Variants in ADORA2B observed in about 807,000 individuals in gnomAD.
ADORA2B encodes the protein adenosine A2b receptor.
In ADORA2B, 18 loss-of-function variants were observed where a neutral mutation model predicts 20.8. The ratio of observed to expected loss-of-function variants is 0.87; its 90% CI spans 0.60 to 1.29. ADORA2B has a LOEUF of 1.29. Among genes scored for constraint, ADORA2B ranks in the 50% most tolerant of loss-of-function variants. The pLI is 0.00. For synonymous variants in ADORA2B, 179 were observed against 178.3 expected, an observed-to-expected ratio of 1.00 and a Z score of -0.03; for missense variants, 441 against 422.7, an observed-to-expected ratio of 1.04 and a Z score of -0.38.
At chr17:15,923,407 A>ATAT in the ADORA2B span, among the ~76,000 whole-genome samples, 3 of 120,212 alleles carry the variant, frequency 2.5e-5, no homozygotes, top group African/African-American at 3.6e-5. Context: ...ATATATATAT[A>ATAT]TTTTTTTTTT....
the ADORA2B span, among the ~76,000 whole-genome samples, chr17:15,862,686 T>A: frequency 1.3e-5 from 2 of 152,142 alleles, no homozygotes; most frequent in Non-Finnish European, 2.9e-5. Flanking sequence ...CCCCTTGCAT[T>A]GTGCAACACA....
chr17:15,929,328 G>A, the ADORA2B span, among the ~76,000 whole-genome samples: 1 of 152,226 alleles, frequency 6.6e-6, no homozygotes, highest in Non-Finnish European at 1.5e-5. Context: ...AAAGAGCCAG[G>A]AGCACTTTCT....
the ADORA2B span, among the ~76,000 whole-genome samples, chr17:15,926,834 G>T: frequency 3.3e-5 from 5 of 152,240 alleles, no homozygotes; most frequent in Middle Eastern, 3.4e-3. Context: ...AGCTCAGCGT[G>T]GTAGTGTCTA....
the ADORA2B span, among the ~76,000 whole-genome samples, chr17:15,912,673 T>A: frequency 1.3e-5 from 2 of 152,152 alleles, no homozygotes; most frequent in East Asian, 1.9e-4. Context: ...CTTCAGCTGC[T>A]CAGTGGTTCA....
chr17:15,920,807 G>A, the ADORA2B span, among the ~76,000 whole-genome samples: 5 of 152,000 alleles, frequency 3.3e-5, no homozygotes, highest in Non-Finnish European at 5.9e-5. Context: ...ACAGCACCGC[G>A]CAGGTATTTG....
chr17:15,948,040 T>G (rs1345383474), intron 1 of ADORA2B, among the ~76,000 whole-genome samples: 1 of 152,102 alleles, frequency 6.6e-6, no homozygotes, highest in African/African-American at 2.4e-5. Flanking sequence ...GTGCCCTGTT[T>G]GGGAGGAGGT....
the ADORA2B span, among the ~76,000 whole-genome samples, chr17:15,938,257 T>G: frequency 0.16 from 24,048 of 152,102 alleles, 2,164 homozygotes; most frequent in Non-Finnish European, 0.2. Flanking sequence ...GAAAAGAGAT[T>G]TATCAAATTT....
the ADORA2B span, among the ~76,000 whole-genome samples, chr17:15,907,075 TTCA>T: frequency 6.6e-6 from 1 of 152,194 alleles, no homozygotes; most frequent in South Asian, 2.1e-4. Context: ...TGCCCAGTTC[TTCA>T]TCACTTGCTT....
the ADORA2B span, among the ~76,000 whole-genome samples, chr17:15,852,752 A>T: frequency 1.3e-5 from 2 of 152,198 alleles, no homozygotes; most frequent in Admixed American, 6.5e-5. Flanking sequence ...TTACCTGTAG[A>T]TTAAACATTT....
the ADORA2B span, among the ~76,000 whole-genome samples, chr17:15,857,818 C>G: frequency 1.3e-5 from 2 of 152,124 alleles, no homozygotes; most frequent in Admixed American, 6.6e-5. Context: ...GACTAATACA[C>G]TCACATACAT....
chr17:15,924,458 G>A, the ADORA2B span, among the ~76,000 whole-genome samples: 1 of 152,130 alleles, frequency 6.6e-6, no homozygotes, highest in South Asian at 2.1e-4. Context: ...AGTAATGCAA[G>A]CTTATTGTTA....
At chr17:15,967,462 T>G (rs1597430342) in intron 1 of ADORA2B, among the ~76,000 whole-genome samples, 1 of 152,020 alleles carries the variant, frequency 6.6e-6, no homozygotes, top group East Asian at 1.9e-4. Flanking sequence ...AACTCCTAAC[T>G]TCAGGTGATC....
the ADORA2B span, among the ~76,000 whole-genome samples, chr17:15,930,913 T>G: frequency 6.6e-6 from 1 of 152,264 alleles, no homozygotes; most frequent in Non-Finnish European, 1.5e-5. Context: ...TGACAGCACT[T>G]GTTTGGAACT....
the ADORA2B span, among the ~76,000 whole-genome samples, chr17:15,919,145 G>T: frequency 6.6e-6 from 1 of 152,172 alleles, no homozygotes; most frequent in Non-Finnish European, 1.5e-5. Flanking sequence ...CCACCTCTTG[G>T]GGAAGGAAAC....
the ADORA2B span, among the ~76,000 whole-genome samples, chr17:15,903,507 G>A: frequency 6.6e-6 from 1 of 152,160 alleles, no homozygotes; most frequent in Non-Finnish European, 1.5e-5. Flanking sequence ...CTTCTAGGCT[G>A]AATGCTACCC....
the ADORA2B span, among the ~76,000 whole-genome samples, chr17:15,903,279 A>G: frequency 2.0e-5 from 3 of 152,216 alleles, no homozygotes; most frequent in African/African-American, 7.2e-5. Context: ...GGTTCAAATC[A>G]TTGGATGGGC....
rs372606831 is a variant in ADORA2B at position 15,958,208 on chromosome 17, G to A, written c.335+12625G>A. Among the ~76,000 whole-genome samples the A allele has an allele frequency of 3.5e-4, 54 of 152,258 alleles. No homozygotes were observed. In the East Asian group the frequency reaches 6.6e-3, roughly 19 times the overall value. ...TAATTTTGTATTTTCAGTAGAGACA[G>A]GGTTTCTCCATGTTGGTCAGGCTGG... On this transcript the variant is annotated intron_variant, in intron 1 of 1. Coordinates refer to ENST00000304222, the MANE Select transcript of ADORA2B (RefSeq NM_000676.4).
At chr17:15,965,510 A>G (rs16959491) in intron 1 of ADORA2B, among the ~76,000 whole-genome samples, 9,479 of 152,296 alleles carry the variant, frequency 0.062, 388 homozygotes, top group African/African-American at 0.11. Context: ...CTCTGCTTCC[A>G]TGTGAACTTC....
the ADORA2B span, among the ~76,000 whole-genome samples, chr17:15,870,246 A>C: frequency 2.1e-5 from 3 of 144,946 alleles, no homozygotes; most frequent in Non-Finnish European, 4.5e-5. Flanking sequence ...GTTGGTGTAA[A>C]GTAATTGCGT....
Sources: gnomAD v4.1 joint callset for allele counts (sites outside exome capture counted in the v4.1 genomes callset) on GRCh38, gnomAD v4.1.1 for gene constraint, MANE v1.5 for transcripts, NCBI Gene and HGNC (gene_info 2026-07-23, HGNC 2026-07-21) for gene names.